The following TSPAN18 variants were observed in gnomAD, a reference collection of about 807,000 sequenced individuals.
TSPAN18 encodes the protein tetraspanin-18.
A neutral mutation model predicts 27.3 loss-of-function variants in TSPAN18; 14 were observed. The ratio of observed to expected loss-of-function variants is 0.51; its 90% CI spans 0.34 to 0.80. The LOEUF is 0.80. TSPAN18 is among the 30% of genes least tolerant of loss of function. TSPAN18 has a pLI of 0.01. For synonymous variants in TSPAN18, 143 were observed against 136.5 expected (o/e 1.05, Z -0.33); for missense variants, 268 against 323.9 (o/e 0.83, Z 1.32).
intron 5 of TSPAN18, among the ~76,000 whole-genome samples, chr11:44,912,146 C>T (rs1372828447): frequency 1.3e-5 from 2 of 151,906 alleles, no homozygotes; most frequent in African/African-American, 2.4e-5. Context: ...CTCAGCCCCC[C>T]GAGTAGCTGG....
chr11:44,740,326 G>T (rs543421731), intron 1 of TSPAN18, among the ~76,000 whole-genome samples: 1 of 152,290 alleles, frequency 6.6e-6, no homozygotes, highest in East Asian at 1.9e-4. Flanking sequence ...GTGTGATAAG[G>T]GTGTCGGTTG....
intron 2 of TSPAN18, among the ~76,000 whole-genome samples, chr11:44,816,914 G>A (rs779246180): frequency 6.6e-6 from 1 of 151,920 alleles, no homozygotes; most frequent in African/African-American, 2.4e-5. Flanking sequence ...CCAAGGAAGA[G>A]CAGTACAGGA....
chr11:44,790,576 ATGTGTGTGCATGTGTTCG>A lies in TSPAN18; in HGVS notation c.-153+26091_-153+26108del, dbSNP rs1329406854. Among the ~76,000 whole-genome samples, 17 of 102,026 alleles carry A rather than the reference ATGTGTGTGCATGTGTTCG, an allele frequency of 1.7e-4. No individual in the cohort carries two copies. The South Asian group carries it at 3.9e-3, about 23-fold the overall frequency. The allele number at this position is 102,026 out of a possible 152,430, so 66.9% of individuals were successfully genotyped here. ...TGTGCATGTGTTCGTGTGTGTGTGCATGTGTGTGCATGTGTTCGTGTGTGTGCATGTGTTCGTGTGTGT... is the reference window on the plus strand; with the variant it reads ...TGTGCATGTGTTCGTGTGTGTGTGCATGTGTGTGCATGTGTTCGTGTGTGT... On this transcript the variant is annotated intron_variant, in intron 2 of 9. Coordinates refer to ENST00000520358, the MANE Select transcript of TSPAN18 (RefSeq NM_130783.5).
intron 2 of TSPAN18, 24 bp downstream of exon 2, chr11:44,764,536 G>A (rs992101962): frequency 5.9e-5 from 9 of 152,266 alleles, no homozygotes; most frequent in African/African-American, 2.2e-4. Flanking sequence ...ACATGGCAGG[G>A]TGGCATCTTC....
intron 2 of TSPAN18, among the ~76,000 whole-genome samples, chr11:44,826,149 G>A (rs775712961): frequency 2.0e-4 from 31 of 152,266 alleles, no homozygotes; most frequent in African/African-American, 4.1e-4. Flanking sequence ...AGGGCCGGAC[G>A]TGGTGGCTTA....
At chr11:44,755,358 A>G (rs554595632) in intron 1 of TSPAN18, among the ~76,000 whole-genome samples, 1 of 152,112 alleles carries the variant, frequency 6.6e-6, no homozygotes. Context: ...CTGAGGCACA[A>G]TTAACCAGGC....
At chr11:44,927,699 A>G (rs968924354) in intron 9 of TSPAN18, among the ~76,000 whole-genome samples, 8 of 152,304 alleles carry the variant, frequency 5.3e-5, no homozygotes, top group Admixed American at 3.9e-4. Flanking sequence ...GGCAACAATG[A>G]ACAAGATAAA....
At chr11:44,786,700 C>T (rs1283510707) in intron 2 of TSPAN18, among the ~76,000 whole-genome samples, 9 of 147,300 alleles carry the variant, frequency 6.1e-5, no homozygotes, top group East Asian at 4.0e-4. Context: ...GGTGCGATCT[C>T]GGCTCACTGC....
At chr11:44,920,396 T>C (rs989145531) in intron 8 of TSPAN18, among the ~76,000 whole-genome samples, 9 of 152,142 alleles carry the variant, frequency 5.9e-5, no homozygotes, top group Admixed American at 2.0e-4. Flanking sequence ...GAAGCTCTTA[T>C]TTGCCATGTG....
intron 2 of TSPAN18, among the ~76,000 whole-genome samples, chr11:44,771,829 T>C (rs895753006): frequency 3.9e-5 from 6 of 152,200 alleles, no homozygotes; most frequent in African/African-American, 1.4e-4. Context: ...ACTTGAGCAT[T>C]AATACATTTT....
intron 3 of TSPAN18, among the ~76,000 whole-genome samples, chr11:44,866,773 A>G (rs767111682): frequency 3.9e-5 from 6 of 152,064 alleles, no homozygotes; most frequent in African/African-American, 7.2e-5. Flanking sequence ...AGCCACCTTC[A>G]TGGGCTTCAG....
At chr11:44,756,797 T>G (rs919645545) in intron 1 of TSPAN18, among the ~76,000 whole-genome samples, 2 of 152,052 alleles carry the variant, frequency 1.3e-5, no homozygotes, top group Non-Finnish European at 2.9e-5. Context: ...GACCACATTT[T>G]GCTTATCCAT....
intron 2 of TSPAN18, among the ~76,000 whole-genome samples, chr11:44,798,422 C>T (rs1454828258): frequency 6.6e-6 from 1 of 152,210 alleles, no homozygotes; most frequent in African/African-American, 2.4e-5. Flanking sequence ...CAAGGTCACA[C>T]AGCTGGAAAG....
chr11:44,877,732 C>T (rs372155911), intron 3 of TSPAN18, among the ~76,000 whole-genome samples: 25 of 152,226 alleles, frequency 1.6e-4, no homozygotes, highest in East Asian at 1.5e-3. Context: ...AGCCTGTTAA[C>T]GGTAATTACG....
At chr11:44,751,047 GA>G (rs1855198951) in intron 1 of TSPAN18, among the ~76,000 whole-genome samples, 1 of 152,196 alleles carries the variant, frequency 6.6e-6, no homozygotes, top group Non-Finnish European at 1.5e-5. Flanking sequence ...CTGTTAATTA[GA>G]GGATGACTTT....
intron 2 of TSPAN18, among the ~76,000 whole-genome samples, chr11:44,793,580 A>G (rs1856279691): frequency 6.6e-6 from 1 of 152,150 alleles, no homozygotes; most frequent in African/African-American, 2.4e-5. Flanking sequence ...TTTCTGTAAA[A>G]TGGGGATCAT....
intron 1 of TSPAN18, among the ~76,000 whole-genome samples, chr11:44,728,271 T>A (rs2134780443): frequency 6.6e-6 from 1 of 152,272 alleles, no homozygotes; most frequent in East Asian, 1.9e-4. Flanking sequence ...CCAGGGCAAA[T>A]GGATGAGTAA....
At chr11:44,858,264 G>A (rs932600705) in intron 2 of TSPAN18, among the ~76,000 whole-genome samples, 3 of 152,070 alleles carry the variant, frequency 2.0e-5, no homozygotes, top group Admixed American at 1.3e-4. Context: ...CTCACCCTGG[G>A]CCCATTGTCC....
intron 2 of TSPAN18, among the ~76,000 whole-genome samples, chr11:44,802,609 G>GCACAGACACACACACACACACA (rs1856506636): frequency 7.0e-6 from 1 of 142,610 alleles, no homozygotes; most frequent in Non-Finnish European, 1.5e-5. Context: ...GGGAAGCACT[G>GCACAGACACACACACACACACA]CACACACACA....
Sources: gnomAD v4.1 joint callset for allele counts (sites outside exome capture counted in the v4.1 genomes callset) on GRCh38, gnomAD v4.1.1 for gene constraint, MANE v1.5 for transcripts, NCBI Gene and HGNC (gene_info 2026-07-23, HGNC 2026-07-21) for gene names.